The following CACNA2D1 variants were observed in gnomAD, a reference collection of about 807,000 sequenced individuals.
CACNA2D1 encodes the protein voltage-dependent calcium channel subunit alpha-2/delta-1.
Under a neutral mutation model 171.5 loss-of-function variants are expected in CACNA2D1, and 53 were observed. The observed-to-expected ratio is 0.31, with a 90% CI of 0.25 to 0.39. The LOEUF (loss-of-function observed/expected upper bound fraction) is 0.39. Among genes scored for constraint, CACNA2D1 ranks in the 10% least tolerant of loss-of-function variants. CACNA2D1 has a pLI of 1.00. For missense variants in CACNA2D1, 903 were observed against 1,299.8 expected (o/e 0.69, Z 4.69); for synonymous variants, 442 against 443.1 (o/e 1.00, Z 0.03).
At chr7:82,262,817 C>T (rs2129335041) in intron 3 of CACNA2D1, among the ~76,000 whole-genome samples, 1 of 152,206 alleles carries the variant, frequency 6.6e-6, no homozygotes, top group South Asian at 2.1e-4. Context: ...CTGTAAGAGT[C>T]ACACTCTCTC....
At chr7:82,044,952 G>A (rs1804380766) in intron 10 of CACNA2D1, among the ~76,000 whole-genome samples, 1 of 152,138 alleles carries the variant, frequency 6.6e-6, no homozygotes, top group Non-Finnish European at 1.5e-5. Context: ...AAACTGATAA[G>A]AAATAAGATT....
intron 7 of CACNA2D1, among the ~76,000 whole-genome samples, chr7:82,077,029 T>C (rs964318101): frequency 6.6e-5 from 10 of 152,346 alleles, no homozygotes; most frequent in African/African-American, 2.2e-4. Context: ...TCTATTGCTA[T>C]TCTATTTAAG....
chr7:82,218,341 TTA>T (rs1207970599), intron 3 of CACNA2D1, among the ~76,000 whole-genome samples: 1 of 152,190 alleles, frequency 6.6e-6, no homozygotes, highest in Non-Finnish European at 1.5e-5. Context: ...GCTCGCTCTC[TTA>T]TTCAAGTTCA....
At chr7:82,434,929 A>G (rs534610229) in intron 1 of CACNA2D1, among the ~76,000 whole-genome samples, 2 of 151,878 alleles carry the variant, frequency 1.3e-5, no homozygotes, top group East Asian at 3.9e-4. Context: ...TGTCTATCTT[A>G]GTAGATTATA....
intron 1 of CACNA2D1, among the ~76,000 whole-genome samples, chr7:82,415,772 T>G (rs1261277145): frequency 2.0e-5 from 3 of 152,070 alleles, no homozygotes; most frequent in African/African-American, 7.2e-5. Flanking sequence ...TATATTTTCT[T>G]ATAAGAGAAA....
intron 3 of CACNA2D1, among the ~76,000 whole-genome samples, chr7:82,290,943 C>T (rs1811454330): frequency 6.6e-6 from 1 of 150,462 alleles, no homozygotes; most frequent in Non-Finnish European, 1.5e-5. Context: ...TCTTAATTCA[C>T]TTCTAGAGCC....
At chr7:81,963,956 T>TAAA (rs1179494094) in intron 34 of CACNA2D1, 100 bp downstream of exon 34, 7 of 941,008 alleles carry the variant, frequency 7.4e-6, no homozygotes, top group Admixed American at 6.1e-5. Flanking sequence ...ACTCCCTTAA[T>TAAA]AAAAATTTGA....
chr7:82,299,278 G>A (rs1474560289), intron 3 of CACNA2D1, among the ~76,000 whole-genome samples: 1 of 151,934 alleles, frequency 6.6e-6, no homozygotes, highest in Non-Finnish European at 1.5e-5. Flanking sequence ...AGGTTAAAGT[G>A]GAAACTTTTA....
intron 3 of CACNA2D1, among the ~76,000 whole-genome samples, chr7:82,286,401 A>G (rs1373495190): frequency 3.3e-5 from 5 of 152,140 alleles, no homozygotes; most frequent in Admixed American, 3.3e-4. Context: ...TCACATATTT[A>G]CTAAAACACA....
intron 1 of CACNA2D1, among the ~76,000 whole-genome samples, chr7:82,356,699 C>T (rs1820464003): frequency 6.6e-6 from 1 of 151,728 alleles, no homozygotes; most frequent in Non-Finnish European, 1.5e-5. Flanking sequence ...TGTTTGAATG[C>T]GTATCTCTCC....
chr7:81,972,397 CAT>C lies in CACNA2D1; in HGVS notation c.2054-535_2054-534del, dbSNP rs1294694002. ...TTCTTTTCTATCACAAATATCAAAA[CAT>C]AGGATAATCTTGGAGTAAATAAGAC... On this transcript the variant is annotated intron_variant, in intron 25 of 38. Coordinates refer to ENST00000356860, the MANE Select transcript of CACNA2D1 (RefSeq NM_000722.4). Among the ~76,000 whole-genome samples, 6 of 151,830 alleles carry C rather than the reference CAT, an allele frequency of 4.0e-5. No individual in the cohort carries two copies. The South Asian group carries it at 6.2e-4, about 16-fold the overall frequency.
intron 6 of CACNA2D1, among the ~76,000 whole-genome samples, chr7:82,097,092 T>C (rs1401748942): frequency 4.0e-5 from 6 of 151,880 alleles, no homozygotes; most frequent in Non-Finnish European, 8.8e-5. Context: ...GGCAGAGAGG[T>C]AGTAGAAGGA....
At chr7:82,052,007 C>A (rs552334891) in intron 10 of CACNA2D1, among the ~76,000 whole-genome samples, 1 of 152,022 alleles carries the variant, frequency 6.6e-6, no homozygotes, top group Non-Finnish European at 1.5e-5. Context: ...ATGATTTAAG[C>A]ATGAAAAATT....
intron 1 of CACNA2D1, among the ~76,000 whole-genome samples, chr7:82,423,419 G>C (rs1005600196): frequency 2.0e-5 from 3 of 152,134 alleles, no homozygotes; most frequent in Non-Finnish European, 4.4e-5. Context: ...CTGAAACTAT[G>C]AACAAAGAGT....
At chr7:82,048,968 T>C (rs761378954) in intron 10 of CACNA2D1, among the ~76,000 whole-genome samples, 33 of 151,996 alleles carry the variant, frequency 2.2e-4, no homozygotes, top group Non-Finnish European at 4.1e-4. Flanking sequence ...GAATATTACT[T>C]TGCTGTTTCC....
intron 3 of CACNA2D1, among the ~76,000 whole-genome samples, chr7:82,251,464 G>A (rs1272994518): frequency 1.3e-5 from 2 of 151,966 alleles, no homozygotes; most frequent in Non-Finnish European, 2.9e-5. Flanking sequence ...GTACATTCAT[G>A]GTACCTCAAA....
At chr7:82,297,864 A>G (rs991159075) in intron 3 of CACNA2D1, among the ~76,000 whole-genome samples, 1 of 152,168 alleles carries the variant, frequency 6.6e-6, no homozygotes, top group African/African-American at 2.4e-5. Flanking sequence ...AACAAGAAAC[A>G]ACCTTAAGTT....
At chr7:82,157,116 C>A (rs1008595994) in intron 4 of CACNA2D1, among the ~76,000 whole-genome samples, 5 of 152,056 alleles carry the variant, frequency 3.3e-5, no homozygotes, top group Non-Finnish European at 7.4e-5. Flanking sequence ...CATGGCCAAG[C>A]AATGCTTTTG....
At chr7:82,013,042 G>C (rs370214527) in intron 14 of CACNA2D1, among the ~76,000 whole-genome samples, 6 of 152,066 alleles carry the variant, frequency 3.9e-5, no homozygotes, top group African/African-American at 9.6e-5. Flanking sequence ...GGTTATTTGG[G>C]AGGTATTTAA....
Sources: gnomAD v4.1 joint callset for allele counts (sites outside exome capture counted in the v4.1 genomes callset) on GRCh38, gnomAD v4.1.1 for gene constraint, MANE v1.5 for transcripts, NCBI Gene and HGNC (gene_info 2026-07-23, HGNC 2026-07-21) for gene names.